CFAP99: variants seen among roughly 807,000 people sequenced by gnomAD.
CFAP99 encodes cilia and flagella associated protein 99, also known as cilia- and flagella-associated protein 99.
Under a neutral mutation model 82.7 loss-of-function variants are expected in CFAP99, and 84 were observed. The observed-to-expected ratio is 1.02, with a 90% CI of 0.85 to 1.22. The LOEUF is 1.22. Among genes scored for constraint, CFAP99 ranks in the 50% most tolerant of loss-of-function variants. The pLI is 0.00. For missense variants in CFAP99, 1,059 were observed against 983.5 expected (o/e 1.08, Z -1.03); for synonymous variants, 456 against 429.5 (o/e 1.06, Z -0.76).
chr4:2,425,890 C>G (rs1356695515), intron 1 of CFAP99, among the ~76,000 whole-genome samples: 1 of 152,150 alleles, frequency 6.6e-6, no homozygotes, highest in Admixed American at 6.5e-5. Context: ...CCCCAGGGCC[C>G]TGTTCCCCCA....
In CFAP99 at chr4:2,440,149, C is replaced by CTTTTTTTTTTTTTTT. The variant is rs1253819268; in HGVS notation, c.351+1986_351+2000dup. Reference sequence around the variant, plus strand: ...GAGCCACTGCGCCCAGCTTGACATTCTTTTTTTTTTTTTTTGAGACGGAGT... The same window carrying CTTTTTTTTTTTTTTT: ...GAGCCACTGCGCCCAGCTTGACATTCTTTTTTTTTTTTTTTTTTTTTTTTTTTTTTGAGACGGAGT... On this transcript the variant is annotated intron_variant, in intron 4 of 14. Transcript: ENST00000635017. 3.3e-3 allele frequency among the ~76,000 whole-genome samples: 343 copies of CTTTTTTTTTTTTTTT among 103,986 alleles called. 49 individuals carry two copies. Among genetic ancestry groups the CTTTTTTTTTTTTTTT allele is most frequent in the African/African-American group, 0.013 (292 of 21,730 alleles). 68.2% of individuals were successfully genotyped at this position (103,986 alleles called of 152,430 possible).
chr4:2,451,384 C>A, intron 10 of CFAP99, 32 bp downstream of exon 10: 4 of 1,528,242 alleles, frequency 2.6e-6, no homozygotes, highest in Non-Finnish European at 2.6e-6. Context: ...CACCTGCCTT[C>A]CACGGCATCA....
chr4:2,458,850 G>A, exon 12 of CFAP99: 1 of 1,535,186 alleles, frequency 6.5e-7, no homozygotes, highest in Non-Finnish European at 8.7e-7. Flanking sequence ...CTCGCGAAGG[G>A]CCGACAGCAG....
intron 2 of CFAP99, among the ~76,000 whole-genome samples, chr4:2,431,291 C>T (rs1358523705): frequency 6.6e-6 from 1 of 151,630 alleles, no homozygotes; most frequent in Non-Finnish European, 1.5e-5. Context: ...ATGGCGTGAA[C>T]CTGGGAGGCG....
At chr4:2,420,776 T>G (rs2108704898) in intron 1 of CFAP99, among the ~76,000 whole-genome samples, 1 of 152,330 alleles carries the variant, frequency 6.6e-6, no homozygotes, top group South Asian at 2.1e-4. Context: ...AAGGATCAGC[T>G]TTTCTATCTG....
chr4:2,426,556 G>A (rs997289216), exon 2 of CFAP99: 1 of 1,536,010 alleles, frequency 6.5e-7, no homozygotes, highest in Non-Finnish European at 8.7e-7. Context: ...ACCCTGAGCA[G>A]TTCCTGGAGG....
At chr4:2,454,590 TTTTG>T (rs1734382019) in intron 11 of CFAP99, among the ~76,000 whole-genome samples, 5 of 146,902 alleles carry the variant, frequency 3.4e-5, no homozygotes, top group African/African-American at 7.8e-5. Context: ...TCTTTTTTTT[TTTTG>T]TTTTTTTTTT....
Position 2,445,342 on chromosome 4 carries a change from G to A in CFAP99, c.642+34G>A, listed in dbSNP as rs1484225308. 3 of 1,301,468 alleles carry A rather than the reference G, an allele frequency of 2.3e-6. No individual in the cohort carries two copies. In the African/African-American group the frequency reaches 4.6e-5, roughly 20 times the overall value. The allele number at this position is 1,301,468 out of a possible 1,614,324, so 80.6% of individuals were successfully genotyped here. ...GGGCATTCTCAGCAGGCACTGGCTT[G>A]CAGGCATCAGGGTAGCCAAGCTGGG... On this transcript the variant is annotated intron_variant, in intron 6 of 14. Coordinates refer to ENST00000635017, the Ensembl canonical transcript of CFAP99.
chr4:2,447,377 A>AG (rs1734188360), intron 6 of CFAP99, among the ~76,000 whole-genome samples: 1 of 148,692 alleles, frequency 6.7e-6, no homozygotes, highest in South Asian at 2.1e-4. Context: ...TGATTGGATG[A>AG]TTGGATAGAT....
chr4:2,445,102 TA>T, intron 5 of CFAP99, 28 bp from the exon 6 acceptor site: 1 of 1,316,148 alleles, frequency 7.6e-7, no homozygotes, highest in South Asian at 2.3e-5. Context: ...GGAGTGACCA[TA>T]AGAGGTGTTT....
chr4:2,462,580 C>A lies in CFAP99; in HGVS notation c.1799C>A (p.Pro600Gln). ...GCGGCCTTGCTGCACGTGTCGGCGCCGCGGACCGCGCGCCCCAAGCCCCGG... is the reference window on the plus strand; with the variant it reads ...GCGGCCTTGCTGCACGTGTCGGCGCAGCGGACCGCGCGCCCCAAGCCCCGG... The change falls in exon 15 of 15, where the codon CCG becomes CAG. Residue 600 changes from proline to glutamine, a missense_variant. Transcript: ENST00000635017. This position sits in a 1 kb window ranked among gnomAD's most constrained non-coding sequence, Gnocchi z 4.1. 7.0e-7 allele frequency: 1 copy of A among 1,428,966 alleles called. No homozygotes were observed. Among genetic ancestry groups the A allele is most frequent in the Non-Finnish European group, 9.1e-7 (1 of 1,094,372 alleles). The allele number at this position is 1,428,966 out of a possible 1,614,324, so 88.5% of individuals were successfully genotyped here.
At chr4:2,450,171 C>T in intron 8 of CFAP99, 166 bp downstream of exon 8, 1 of 706,622 alleles carries the variant, frequency 1.4e-6, no homozygotes, top group East Asian at 2.7e-5. Context: ...CTTGAGCCCA[C>T]TGCGATGTGG....
chr4:2,456,513 C>CA (rs1035757457), intron 11 of CFAP99, among the ~76,000 whole-genome samples: 3 of 151,712 alleles, frequency 2.0e-5, no homozygotes, highest in African/African-American at 4.8e-5. Flanking sequence ...CCCGCGTCTA[C>CA]AAAAAAAATG....
rs933481614 is a variant in CFAP99, at chr4:2,446,806, T to C, written c.642+1498T>C. The stretch of plus-strand genomic sequence containing the variant: ...GATTATCAGATGGATGGTAGATGGA[T>C]GGGTGGATGAATGGATGGATGGATG... On this transcript the variant is annotated intron_variant, in intron 6 of 14. Transcript: ENST00000635017. This position sits in a 1 kb window ranked among gnomAD's most constrained non-coding sequence, Gnocchi z 5.0. Among the ~76,000 whole-genome samples the C allele has an allele frequency of 7.0e-6, 1 of 143,518 alleles. No homozygotes were observed. The highest frequency in any genetic ancestry group is 1.5e-5 in the Non-Finnish European group (1 of 65,546). The allele number at this position is 143,518 out of a possible 152,430, so 94.2% of individuals were successfully genotyped here.
chr4:2,438,404 A>G (rs1168288234), intron 4 of CFAP99, among the ~76,000 whole-genome samples: 1 of 152,096 alleles, frequency 6.6e-6, no homozygotes, highest in East Asian at 1.9e-4. Context: ...CTGGGACTAC[A>G]GGCGCCCGCC....
intron 1 of CFAP99, among the ~76,000 whole-genome samples, chr4:2,423,720 T>C (rs1733627821): frequency 6.6e-6 from 1 of 152,260 alleles, no homozygotes; most frequent in African/African-American, 2.4e-5. Context: ...CAAGCCTGGC[T>C]GCAGCATCTA....
intron 2 of CFAP99, chr4:2,426,796 C>T (rs1291848494): frequency 3.6e-6 from 2 of 560,660 alleles, no homozygotes; most frequent in African/African-American, 3.8e-5. Flanking sequence ...GTGAAAGAAG[C>T]CTTGGCCGGG....
At chr4:2,443,452 A>G (rs984973139) in intron 5 of CFAP99, among the ~76,000 whole-genome samples, 2 of 152,236 alleles carry the variant, frequency 1.3e-5, no homozygotes, top group Non-Finnish European at 2.9e-5. Context: ...GACGTGGTCC[A>G]ACTGCCCAAG....
intron 11 of CFAP99, among the ~76,000 whole-genome samples, chr4:2,453,279 G>A (rs1433011147): frequency 1.3e-5 from 2 of 152,080 alleles, no homozygotes. Flanking sequence ...TACATAAAAG[G>A]TCACACCTTG....
Sources: gnomAD v4.1 joint callset for allele counts (sites outside exome capture counted in the v4.1 genomes callset) on GRCh38, gnomAD v4.1.1 for gene constraint, Gnocchi (gnomAD v3.1) non-coding constraint, MANE v1.5 for transcripts, NCBI Gene and HGNC (gene_info 2026-07-23, HGNC 2026-07-21) for gene names.